Variants in OTUD4 observed in about 807,000 individuals in gnomAD.
OTUD4 encodes the protein OTU domain-containing protein 4.
OTUD4 carries 24 observed loss-of-function variants against 130.4 expected under a neutral mutation model. That is an observed-to-expected ratio of 0.18 (90% CI 0.13 to 0.26). The LOEUF (loss-of-function observed/expected upper bound fraction) is 0.26, where lower values mean the gene tolerates loss of function less well. Among genes scored for constraint, OTUD4 ranks in the 10% least tolerant of loss-of-function variants. The pLI is 1.00. For synonymous variants in OTUD4, 420 were observed against 472.5 expected (o/e 0.89, Z 1.44); for missense variants, 1,031 against 1,329.4 (o/e 0.78, Z 3.49).
chr4:145,138,547 T>A lies in OTUD4; in HGVS notation c.2228A>T (p.Tyr743Phe). 6.2e-7 allele frequency: 1 copy of A among 1,614,074 alleles called. No homozygotes were observed. Among genetic ancestry groups the A allele is most frequent in the East Asian group, 2.2e-5 (1 of 44,878 alleles). Residue 743 changes from tyrosine to phenylalanine, a missense_variant, in exon 21 of 21, where the codon TAT becomes TTT. Coordinates refer to ENST00000447906, the MANE Select transcript of OTUD4 (RefSeq NM_001366057.1). The part of the protein sequence containing the change: ...RMYPKVPVPV[Y>F]PHNPWFQEAP... ...CTCTTGGAACCAGGGATTATGAGGA[T>A]AAACAGGGACAGGGACCTTTGGGTA...
chr4:145,165,249 C>T, intron 3 of OTUD4, 52 bp from the exon 4 acceptor site: 1 of 1,194,622 alleles, frequency 8.4e-7, no homozygotes, highest in Non-Finnish European at 1.2e-6. Context: ...TTTTTAGATT[C>T]CACTTTATAT....
chr4:145,167,932 C>T (rs1337739520), intron 3 of OTUD4, among the ~76,000 whole-genome samples: 2 of 152,014 alleles, frequency 1.3e-5, no homozygotes, highest in African/African-American at 2.4e-5. Flanking sequence ...CTTTTTGATA[C>T]GTAACCTTCA....
chr4:145,145,559 G>C (rs1465535585), intron 14 of OTUD4, among the ~76,000 whole-genome samples: 2 of 152,142 alleles, frequency 1.3e-5, no homozygotes, highest in African/African-American at 4.8e-5. Flanking sequence ...TCTAAAGAGA[G>C]AAAGTGTCCA....
At chr4:145,139,638 A>G (rs1750460412) in intron 20 of OTUD4, among the ~76,000 whole-genome samples, 1 of 152,246 alleles carries the variant, frequency 6.6e-6, no homozygotes, top group African/African-American at 2.4e-5. Flanking sequence ...GTGATGGAGC[A>G]GAACTTCAAG....
intron 2 of OTUD4, among the ~76,000 whole-genome samples, chr4:145,174,299 A>T (rs1050510980): frequency 1.3e-5 from 2 of 151,988 alleles, no homozygotes; most frequent in African/African-American, 4.8e-5. Flanking sequence ...ATTTATAGGG[A>T]GTTACCCATC....
chr4:145,173,492 T>C (rs748661674), intron 2 of OTUD4, among the ~76,000 whole-genome samples: 2 of 152,242 alleles, frequency 1.3e-5, no homozygotes, highest in Non-Finnish European at 2.9e-5. Context: ...TGTCCATTAT[T>C]ATCAACACAG....
intron 18 of OTUD4, 41 bp downstream of exon 18, chr4:145,142,155 A>G: frequency 6.3e-7 from 1 of 1,582,144 alleles, no homozygotes; most frequent in Non-Finnish European, 8.6e-7. Flanking sequence ...CTGACTAGAA[A>G]GGTATTTTGG....
intron 13 of OTUD4, 55 bp from the exon 14 acceptor site, chr4:145,146,484 AAAT>A (rs960125193): frequency 2.9e-6 from 3 of 1,038,904 alleles, no homozygotes; most frequent in Non-Finnish European, 4.0e-6. Flanking sequence ...ATAAATAAAT[AAAT>A]AAAACATTCT....
At position 145,133,819 on chromosome 4, in the gene OTUD4, G is replaced by T. The variant is rs1042887362; in HGVS notation, c.*3611C>A. 6.6e-6 allele frequency: 1 copy of T among 152,488 alleles called. No homozygotes were observed. The highest frequency in any genetic ancestry group is 2.4e-5 in the African/African-American group (1 of 41,402). 9.4% of individuals were successfully genotyped at this position (152,488 alleles called of 1,614,324 possible). ...GGAATATATTCAACACTTACAAAAA[G>T]TGATATGATAAAGAATATAAAGTAC... On this transcript the variant is annotated 3_prime_UTR_variant, in exon 21 of 21. Transcript: ENST00000447906.
At position 145,141,518 on chromosome 4, in the gene OTUD4, G is replaced by C. The variant is rs746914323; in HGVS notation, c.1944C>G (p.Asn648Lys). The change falls in exon 19 of 21, where the codon AAC (asparagine) becomes AAG (lysine). Residue 648 changes from asparagine to lysine, a missense_variant. Coordinates refer to ENST00000447906, the MANE Select transcript of OTUD4 (RefSeq NM_001366057.1). ...TCTGAGGCAAAGGCATCAAGGGCTG[G>C]TTAACTGCCTGTATTGACACAGGAA... ...SPVPVSIQAVNQPLMPLPQTL... is the reference protein window; with the variant it reads ...SPVPVSIQAVKQPLMPLPQTL... The C allele has an allele frequency of 7.4e-6, 12 of 1,613,682 alleles. No individual in the cohort carries two copies. The highest frequency in any genetic ancestry group is 9.3e-6 in the Non-Finnish European group (11 of 1,179,672).
At chr4:145,162,760 T>C (rs1389935288) in intron 5 of OTUD4, 39 bp from the exon 6 acceptor site, 3 of 1,037,994 alleles carry the variant, frequency 2.9e-6, no homozygotes, top group Non-Finnish European at 2.9e-6. Flanking sequence ...CAGCCCCTCA[T>C]ACATATAACA....
intron 14 of OTUD4, among the ~76,000 whole-genome samples, chr4:145,145,938 G>C (rs1367973962): frequency 6.6e-6 from 1 of 152,142 alleles, no homozygotes; most frequent in African/African-American, 2.4e-5. Context: ...TCTTGTAATG[G>C]ATTAACTAAA....
At chr4:145,164,299 C>A in intron 4 of OTUD4, 73 bp from the exon 5 acceptor site, 1 of 712,924 alleles carries the variant, frequency 1.4e-6, no homozygotes, top group Non-Finnish European at 2.4e-6. Flanking sequence ...TTCATTCATT[C>A]ATCAAGGGCC....
chr4:145,153,049 TTTAA>T (rs574877907), intron 10 of OTUD4, among the ~76,000 whole-genome samples: 398 of 152,316 alleles, frequency 2.6e-3, no homozygotes, highest in African/African-American at 8.9e-3. Context: ...AAATTTAGTC[TTTAA>T]TTAAACAGAA....
intron 2 of OTUD4, among the ~76,000 whole-genome samples, chr4:145,174,032 G>T: frequency 7.4e-6 from 1 of 135,662 alleles, no homozygotes; most frequent in Non-Finnish European, 1.5e-5. Context: ...TTTTGAGACA[G>T]AGTCTCACTC....
intron 3 of OTUD4, among the ~76,000 whole-genome samples, 159 bp from the exon 4 acceptor site, chr4:145,165,356 G>A (rs935886235): frequency 2.0e-5 from 3 of 152,132 alleles, no homozygotes; most frequent in Non-Finnish European, 2.9e-5. Context: ...ATATAAAACA[G>A]ACCACAATAT....
intron 10 of OTUD4, among the ~76,000 whole-genome samples, chr4:145,154,434 T>G (rs1051021580): frequency 6.6e-6 from 1 of 152,222 alleles, no homozygotes; most frequent in Non-Finnish European, 1.5e-5. Context: ...GTTTCCTCCA[T>G]AAGTCAAAAA....
At chr4:145,162,354 C>A (rs1751617039) in intron 6 of OTUD4, among the ~76,000 whole-genome samples, 1 of 152,034 alleles carries the variant, frequency 6.6e-6, no homozygotes, top group South Asian at 2.1e-4. Flanking sequence ...GAGATCGAGA[C>A]CACCCTGGCT....
intron 20 of OTUD4, 103 bp downstream of exon 20, chr4:145,139,842 ATTTAGT>A: frequency 4.5e-6 from 2 of 443,538 alleles, no homozygotes; most frequent in Non-Finnish European, 8.2e-6. Context: ...AAATGATGAG[ATTTAGT>A]AAACTTTAGG....
Sources: allele counts gnomAD v4.1 joint callset (sites outside exome capture counted in the v4.1 genomes callset), GRCh38; gene constraint gnomAD v4.1.1; transcripts MANE v1.5; gene names NCBI Gene and HGNC (gene_info 2026-07-23, HGNC 2026-07-21).